The following PGGT1B variants were observed in gnomAD, a reference collection of about 807,000 sequenced individuals.
PGGT1B encodes protein geranylgeranyltransferase type I subunit beta, also known as geranylgeranyl transferase type-1 subunit beta.
In PGGT1B, 30 loss-of-function variants were observed where a neutral mutation model predicts 46.1. The observed-to-expected ratio is 0.65, with a 90% CI of 0.49 to 0.88. PGGT1B has a LOEUF of 0.88. PGGT1B is among the 40% of genes least tolerant of loss of function. The pLI, the probability that PGGT1B is intolerant of heterozygous loss-of-function variation, is 0.00. For missense variants in PGGT1B, 376 were observed against 455.9 expected (o/e 0.82, Z 1.60); for synonymous variants, 170 against 160.0 (o/e 1.06, Z -0.47).
At chr5:115,252,677 C>T (rs1748154246) in intron 2 of PGGT1B, among the ~76,000 whole-genome samples, 1 of 151,884 alleles carries the variant, frequency 6.6e-6, no homozygotes, top group African/African-American at 2.4e-5. Flanking sequence ...CTGAAGCATA[C>T]ATAAGAGCTT....
chr5:115,240,741 C>A (rs1044492198), intron 3 of PGGT1B, among the ~76,000 whole-genome samples: 4 of 152,204 alleles, frequency 2.6e-5, no homozygotes, highest in African/African-American at 9.6e-5. Context: ...ACTTACCTTG[C>A]AAGTGGATAC....
chr5:115,253,654 C>T (rs773109257), intron 1 of PGGT1B, among the ~76,000 whole-genome samples: 2 of 151,938 alleles, frequency 1.3e-5, no homozygotes, highest in Non-Finnish European at 2.9e-5. Context: ...TCAATTATAG[C>T]TTGTATTTAA....
chr5:115,234,896 A>G (rs1580761507), intron 5 of PGGT1B, among the ~76,000 whole-genome samples: 1 of 152,104 alleles, frequency 6.6e-6, no homozygotes, highest in Admixed American at 6.6e-5. Flanking sequence ...GGGGATGCCT[A>G]TGTACACATA....
chr5:115,205,371 C>A lies in PGGT1B; in HGVS notation c.*7031G>T, dbSNP rs1756031277. The A allele has an allele frequency of 1.3e-5, 2 of 152,044 alleles. No homozygotes were observed. The highest frequency in any genetic ancestry group is 4.1e-4 in the South Asian group (2 of 4,830). The allele number at this position is 152,044 out of a possible 1,614,324, so 9.4% of individuals were successfully genotyped here. ...TGCATTACCAGTTGGTTCAGGGAAT[C>A]CCACATACAATTTTAATGGCCACCC... On this transcript the variant is annotated 3_prime_UTR_variant, in exon 9 of 9. Coordinates refer to ENST00000419445, the MANE Select transcript of PGGT1B (RefSeq NM_005023.4).
chr5:115,233,541 G>C (rs1271423846), intron 5 of PGGT1B, among the ~76,000 whole-genome samples: 1 of 125,286 alleles, frequency 8.0e-6, no homozygotes. Flanking sequence ...AGAAAAAAAA[G>C]AAGGAAAAAA....
At chr5:115,244,420 G>T (rs1439023127) in intron 2 of PGGT1B, among the ~76,000 whole-genome samples, 2 of 136,412 alleles carry the variant, frequency 1.5e-5, no homozygotes, top group African/African-American at 5.7e-5. Flanking sequence ...AGCTAAGATC[G>T]GGCCACTGCA....
intron 2 of PGGT1B, among the ~76,000 whole-genome samples, chr5:115,246,920 T>C (rs1409437040): frequency 2.0e-5 from 3 of 152,158 alleles, no homozygotes; most frequent in Non-Finnish European, 4.4e-5. Context: ...ACTGGGTAGA[T>C]GAGAAAGGCA....
chr5:115,239,017 C>A (rs1363606763), intron 3 of PGGT1B, among the ~76,000 whole-genome samples: 1 of 151,900 alleles, frequency 6.6e-6, no homozygotes, highest in East Asian at 1.9e-4. Context: ...TAATCTGAAC[C>A]CACCCCACCT....
chr5:115,261,752 A>G (rs1476522530), intron 1 of PGGT1B, among the ~76,000 whole-genome samples: 2 of 152,238 alleles, frequency 1.3e-5, no homozygotes, highest in Admixed American at 1.3e-4. Flanking sequence ...AAGGGTGTTT[A>G]AGGAAGGCCT....
intron 1 of PGGT1B, among the ~76,000 whole-genome samples, chr5:115,260,759 A>T (rs550212755): frequency 6.6e-6 from 1 of 152,206 alleles, no homozygotes; most frequent in Non-Finnish European, 1.5e-5. Context: ...CCAATGCACC[A>T]AGGTGTTATA....
At chr5:115,238,077 G>C (rs1757238457) in intron 3 of PGGT1B, 68 bp from the exon 4 acceptor site, 3 of 1,153,208 alleles carry the variant, frequency 2.6e-6, no homozygotes, top group Admixed American at 2.3e-5. Context: ...TAAGAAATCT[G>C]ACATAAGGTT....
rs759191203 is a variant in PGGT1B, at chr5:115,241,612, A to C, written c.260-6T>G. On this transcript the variant is annotated splice_polypyrimidine_tract_variant and splice_region_variant and intron_variant, in intron 2 of 8. Coordinates refer to ENST00000419445, the MANE Select transcript of PGGT1B (RefSeq NM_005023.4). The stretch of plus-strand genomic sequence containing the variant: ...ACAGCGATTTAGATTTGATCCTAGA[A>C]AATAAAAGCATGTGCTTATTTAAAG... The C allele has an allele frequency of 6.2e-7, 1 of 1,601,260 alleles. No homozygotes were observed. The highest frequency in any genetic ancestry group is 1.3e-5 in the African/African-American group (1 of 74,286).
In PGGT1B at chr5:115,204,069, A is replaced by G. The variant is rs1326942258; in HGVS notation, c.*8333T>C. The stretch of plus-strand genomic sequence containing the variant: ...TTCGATCCAGCTACCACACACTAAA[A>G]TCATATTAGTTTTTCGGGGGTAGGA... On this transcript the variant is annotated 3_prime_UTR_variant, in exon 9 of 9. Coordinates refer to ENST00000419445, the MANE Select transcript of PGGT1B (RefSeq NM_005023.4). The G allele has an allele frequency of 6.6e-6, 1 of 152,118 alleles. No individual in the cohort carries two copies. Among genetic ancestry groups the G allele is most frequent in the African/African-American group, 2.4e-5 (1 of 41,428 alleles). 9.4% of individuals were successfully genotyped at this position (152,118 alleles called of 1,614,324 possible).
chr5:115,208,429 G>T lies in PGGT1B; in HGVS notation c.*3973C>A, dbSNP rs978874968. The T allele has an allele frequency of 4.6e-5, 7 of 151,704 alleles. No individual in the cohort carries two copies. The highest frequency in any genetic ancestry group is 6.6e-5 in the Admixed American group (1 of 15,200). The allele number at this position is 151,704 out of a possible 1,614,324, so 9.4% of individuals were successfully genotyped here. A position where few individuals can be genotyped will look rare whatever the true frequency, so the allele number is the denominator to read the frequency against. ...ACTTTTAACTATTTGTTTCTTCTACGGTAATTGGTTTGTTGTGACTTTATC... is the reference window on the plus strand; with the variant it reads ...ACTTTTAACTATTTGTTTCTTCTACTGTAATTGGTTTGTTGTGACTTTATC... On this transcript the variant is annotated 3_prime_UTR_variant, in exon 9 of 9. Transcript: ENST00000419445.
intron 6 of PGGT1B, among the ~76,000 whole-genome samples, chr5:115,225,580 CTAAA>C (rs753546337): frequency 2.0e-4 from 31 of 151,780 alleles, no homozygotes; most frequent in Admixed American, 1.2e-3. Context: ...AAGTAGAAAA[CTAAA>C]TAAATAGGTA....
At chr5:115,239,694 A>G (rs1757291781) in intron 3 of PGGT1B, among the ~76,000 whole-genome samples, 1 of 152,224 alleles carries the variant, frequency 6.6e-6, no homozygotes, top group Admixed American at 6.5e-5. Context: ...TTTTCTGCAG[A>G]AGAGGAGCCT....
At chr5:115,242,865 G>A (rs936080744) in intron 2 of PGGT1B, among the ~76,000 whole-genome samples, 10 of 152,090 alleles carry the variant, frequency 6.6e-5, no homozygotes, top group Non-Finnish European at 1.2e-4. Flanking sequence ...TACTGGGGAA[G>A]CTGAGGCAAG....
intron 2 of PGGT1B, among the ~76,000 whole-genome samples, chr5:115,243,901 T>C (rs1179227886): frequency 1.3e-5 from 2 of 152,138 alleles, no homozygotes; most frequent in African/African-American, 4.8e-5. Flanking sequence ...CACTCAAATC[T>C]TTTCCATTAG....
rs1159019290 is a variant in PGGT1B at position 115,233,782 on chromosome 5, A to C, written c.612+2608T>G. On this transcript the variant is annotated intron_variant, in intron 5 of 8. Transcript: ENST00000419445. ...CAGAAAAAAAGGTAAAAACAAAAAA[A>C]GTATAACGCTTTTTATTGGTGAGGC... Among the ~76,000 whole-genome samples the C allele has an allele frequency of 2.6e-5, 4 of 152,056 alleles. No homozygotes were observed. In the East Asian group the frequency reaches 7.7e-4, roughly 29 times the overall value.
Sources: allele counts gnomAD v4.1 joint callset (sites outside exome capture counted in the v4.1 genomes callset), GRCh38; gene constraint gnomAD v4.1.1; transcripts MANE v1.5; gene names NCBI Gene and HGNC (gene_info 2026-07-23, HGNC 2026-07-21).